AFG1L: variants seen among roughly 807,000 people sequenced by gnomAD.
AFG1L encodes AFG1 like ATPase.
In AFG1L, 53 loss-of-function variants were observed where a neutral mutation model predicts 62.2. The observed-to-expected ratio is 0.85, with a 90% CI of 0.68 to 1.07. AFG1L has a LOEUF of 1.07. Among genes scored for constraint, AFG1L ranks in the 50% least tolerant of loss-of-function variants. AFG1L has a pLI of 0.00. For missense variants in AFG1L, 555 were observed against 590.5 expected (o/e 0.94, Z 0.62); for synonymous variants, 228 against 210.3 (o/e 1.08, Z -0.73).
chr6:108,320,300 G>A (rs1296042137), intron 1 of AFG1L, among the ~76,000 whole-genome samples: 3 of 152,124 alleles, frequency 2.0e-5, no homozygotes, highest in Admixed American at 6.5e-5. Flanking sequence ...GTGGCCCGCC[G>A]GTCAAAGCTG....
intron 7 of AFG1L, among the ~76,000 whole-genome samples, chr6:108,424,244 A>G (rs1050223644): frequency 3.9e-5 from 6 of 152,118 alleles, no homozygotes; most frequent in Non-Finnish European, 2.9e-5. Flanking sequence ...TTGGACTACA[A>G]GGTTGCTAAG....
intron 7 of AFG1L, among the ~76,000 whole-genome samples, chr6:108,421,793 G>A (rs1390612724): frequency 6.6e-6 from 1 of 151,894 alleles, no homozygotes; most frequent in Non-Finnish European, 1.5e-5. Flanking sequence ...TTCTTTCTGG[G>A]AAATCTGTTT....
intron 5 of AFG1L, among the ~76,000 whole-genome samples, chr6:108,362,595 G>A (rs1455372348): frequency 2.6e-5 from 4 of 152,150 alleles, no homozygotes; most frequent in African/African-American, 9.7e-5. Flanking sequence ...TTTACTTTAT[G>A]TCTCATAACA....
intron 7 of AFG1L, among the ~76,000 whole-genome samples, chr6:108,403,522 T>C (rs551713935): frequency 3.9e-5 from 6 of 152,302 alleles, no homozygotes; most frequent in Admixed American, 2.0e-4. Flanking sequence ...GGAAAAGTAC[T>C]TTTGGAAGAT....
chr6:108,349,226 G>A (rs1778981092), intron 3 of AFG1L, among the ~76,000 whole-genome samples: 1 of 152,192 alleles, frequency 6.6e-6, no homozygotes, highest in African/African-American at 2.4e-5. Flanking sequence ...GCTCATACCT[G>A]TAATCCCAGC....
At chr6:108,460,436 A>G (rs913879823) in intron 8 of AFG1L, among the ~76,000 whole-genome samples, 2 of 152,136 alleles carry the variant, frequency 1.3e-5, no homozygotes, top group African/African-American at 4.8e-5. Context: ...CCAGTGTGAC[A>G]ATCTCTGCTT....
intron 7 of AFG1L, among the ~76,000 whole-genome samples, chr6:108,425,726 G>A (rs79657716): frequency 0.057 from 8,622 of 151,974 alleles, 335 homozygotes; most frequent in South Asian, 0.11. Flanking sequence ...GTCTTTAGGT[G>A]GAATTAATTA....
intron 3 of AFG1L, among the ~76,000 whole-genome samples, chr6:108,350,310 AT>A (rs560260698): frequency 0.011 from 1,594 of 146,690 alleles, 6 homozygotes; most frequent in South Asian, 0.02. Flanking sequence ...TCTCTTATGT[AT>A]TTTTTTTTTT....
At chr6:108,394,233 T>G (rs1247412758) in intron 6 of AFG1L, among the ~76,000 whole-genome samples, 2 of 150,884 alleles carry the variant, frequency 1.3e-5, no homozygotes, top group Non-Finnish European at 3.0e-5. Flanking sequence ...CTGCAACCTT[T>G]GCCTCCTGAG....
chr6:108,505,889 G>C (rs917025912), intron 10 of AFG1L, among the ~76,000 whole-genome samples: 1 of 152,108 alleles, frequency 6.6e-6, no homozygotes, highest in Non-Finnish European at 1.5e-5. Context: ...AGAAGAGAAA[G>C]GGAATGGAGC....
chr6:108,363,780 A>G (rs1389398856), intron 5 of AFG1L, among the ~76,000 whole-genome samples: 4 of 152,190 alleles, frequency 2.6e-5, no homozygotes, highest in Admixed American at 6.5e-5. Flanking sequence ...TATCATTTAA[A>G]AAATAGGTTT....
chr6:108,350,105 A>G (rs528265783), intron 3 of AFG1L, among the ~76,000 whole-genome samples: 1 of 151,308 alleles, frequency 6.6e-6, no homozygotes, highest in Non-Finnish European at 1.5e-5. Context: ...GCCTGTAGTC[A>G]CAGCTACTCA....
At chr6:108,502,806 C>T (rs1046856162) in intron 10 of AFG1L, among the ~76,000 whole-genome samples, 9 of 152,226 alleles carry the variant, frequency 5.9e-5, no homozygotes. Context: ...AGCATTTACT[C>T]ACAGCAGAAC....
intron 8 of AFG1L, among the ~76,000 whole-genome samples, chr6:108,471,168 T>G (rs1270044187): frequency 6.6e-6 from 1 of 152,156 alleles, no homozygotes; most frequent in Non-Finnish European, 1.5e-5. Flanking sequence ...CTAAGTGGAA[T>G]GTAGTGAATG....
At chr6:108,444,781 T>C (rs1209330294) in intron 7 of AFG1L, among the ~76,000 whole-genome samples, 1 of 152,220 alleles carries the variant, frequency 6.6e-6, no homozygotes, top group African/African-American at 2.4e-5. Flanking sequence ...AGGGCTTTGT[T>C]ATTTCATTTA....
intron 6 of AFG1L, among the ~76,000 whole-genome samples, chr6:108,400,731 A>G (rs1339422453): frequency 3.2e-5 from 4 of 125,372 alleles, no homozygotes; most frequent in Admixed American, 1.0e-4. Context: ...TATTATATAT[A>G]ATATATATTA....
chr6:108,323,939 C>T lies in AFG1L; in HGVS notation c.254C>T (p.Ala85Val), dbSNP rs1414508943. 3.7e-6 allele frequency: 6 copies of T among 1,613,908 alleles called. No individual in the cohort carries two copies. Among genetic ancestry groups the T allele is most frequent in the Non-Finnish European group, 5.1e-6 (6 of 1,179,918 alleles). The change falls in exon 2 of 13, where the codon GCT becomes GTT. Residue 85 changes from alanine to valine, a missense_variant. Coordinates refer to ENST00000368977, the MANE Select transcript of AFG1L (RefSeq NM_145315.5). ...GACCACTATGATTTTCTGATCAAAG[C>T]TCATGAGCTAAAGGATGATGAACAT... ...PLDHYDFLIK[A>V]HELKDDEHQR...
rs574145584 is a variant in AFG1L, at chr6:108,332,088, G to A, written c.363+8040G>A. 3.3e-5 allele frequency among the ~76,000 whole-genome samples: 5 copies of A among 152,282 alleles called. No individual in the cohort carries two copies. The East Asian group carries it at 9.7e-4, about 29-fold the overall frequency. The stretch of plus-strand genomic sequence containing the variant: ...CTACTCAATTCTACCATTGCACTCA[G>A]AGCAGCCACAGGCAATACATAAATA... On this transcript the variant is annotated intron_variant, in intron 2 of 12. Transcript: ENST00000368977.
intron 1 of AFG1L, among the ~76,000 whole-genome samples, chr6:108,304,146 A>C (rs1777115403): frequency 6.6e-6 from 1 of 152,208 alleles, no homozygotes; most frequent in Non-Finnish European, 1.5e-5. Context: ...ACCCTTTTAA[A>C]GCCCCTAACT....
Sources: allele counts gnomAD v4.1 joint callset (sites outside exome capture counted in the v4.1 genomes callset), GRCh38; gene constraint gnomAD v4.1.1; transcripts MANE v1.5; gene names NCBI Gene and HGNC (gene_info 2026-07-23, HGNC 2026-07-21).